The following ATP8A2 variants were observed in gnomAD, a reference collection of about 807,000 sequenced individuals.
ATP8A2 encodes the protein phospholipid-transporting ATPase IB.
A neutral mutation model predicts 165.6 loss-of-function variants in ATP8A2; 100 were observed. That is an observed-to-expected ratio of 0.60 (90% CI 0.51 to 0.71). The LOEUF (loss-of-function observed/expected upper bound fraction) is 0.71. Ranked by LOEUF, ATP8A2 falls within the 30% of genes least tolerant of loss-of-function variation. The pLI, the probability that ATP8A2 is intolerant of heterozygous loss-of-function variation, is 0.00. For missense variants in ATP8A2, 1,227 were observed against 1,479.5 expected (o/e 0.83, Z 2.80); for synonymous variants, 543 against 548.8 (o/e 0.99, Z 0.15).
chr13:25,776,358 C>T (rs1180902320), intron 27 of ATP8A2, among the ~76,000 whole-genome samples: 1 of 152,186 alleles, frequency 6.6e-6, no homozygotes, highest in African/African-American at 2.4e-5. Context: ...GGGAGGTGCC[C>T]TGTCTGCTTA....
At chr13:25,623,641 T>G (rs1010726738) in intron 24 of ATP8A2, among the ~76,000 whole-genome samples, 4 of 152,196 alleles carry the variant, frequency 2.6e-5, no homozygotes, top group Non-Finnish European at 5.9e-5. Flanking sequence ...ATGACCAATA[T>G]CTCTGCCTTT....
chr13:25,830,034 G>A (rs978798124), intron 28 of ATP8A2, among the ~76,000 whole-genome samples: 9 of 149,742 alleles, frequency 6.0e-5, no homozygotes, highest in African/African-American at 2.2e-4. Flanking sequence ...TTTGAGACTG[G>A]GTCTTGTTCT....
chr13:25,456,513 A>G (rs1243311107), intron 1 of ATP8A2, among the ~76,000 whole-genome samples: 2 of 152,176 alleles, frequency 1.3e-5, no homozygotes, highest in Non-Finnish European at 2.9e-5. Flanking sequence ...GGCCCTATGC[A>G]TAGAGGAGGG....
At chr13:25,804,348 AT>A (rs1476745704) in intron 27 of ATP8A2, among the ~76,000 whole-genome samples, 1 of 152,286 alleles carries the variant, frequency 6.6e-6, no homozygotes, top group African/African-American at 2.4e-5. Flanking sequence ...AAGCTATAAG[AT>A]TTAGAAGCCT....
At chr13:25,723,526 C>G (rs1359522666) in intron 25 of ATP8A2, among the ~76,000 whole-genome samples, 1 of 152,234 alleles carries the variant, frequency 6.6e-6, no homozygotes, top group Admixed American at 6.5e-5. Flanking sequence ...CCTCCTTTTA[C>G]TTTTGGCTTT....
intron 1 of ATP8A2, among the ~76,000 whole-genome samples, chr13:25,444,644 TTTTG>T (rs2035022847): frequency 6.6e-6 from 1 of 151,886 alleles, no homozygotes. Context: ...TGTTTTTTTT[TTTTG>T]TTTTGTTTTG....
intron 35 of ATP8A2, among the ~76,000 whole-genome samples, chr13:25,982,787 A>G (rs1375978290): frequency 6.6e-6 from 1 of 152,210 alleles, no homozygotes; most frequent in Non-Finnish European, 1.5e-5. Context: ...AATGTCTACA[A>G]AGTGCACCAT....
intron 33 of ATP8A2, among the ~76,000 whole-genome samples, chr13:25,877,443 AT>A (rs1488623522): frequency 6.6e-6 from 1 of 152,118 alleles, no homozygotes; most frequent in African/African-American, 2.4e-5. Context: ...TTGAAGCTGT[AT>A]TTTTTGTGAC....
At chr13:25,563,652 G>A (rs908752743) in intron 15 of ATP8A2, among the ~76,000 whole-genome samples, 6 of 152,066 alleles carry the variant, frequency 3.9e-5, no homozygotes, top group South Asian at 2.1e-4. Context: ...GAAGTGACTC[G>A]GGCCAACTGA....
intron 1 of ATP8A2, among the ~76,000 whole-genome samples, chr13:25,452,508 A>G (rs947901276): frequency 2.0e-5 from 3 of 152,318 alleles, no homozygotes; most frequent in African/African-American, 7.2e-5. Context: ...TGAGAAAAGC[A>G]CTATTAAAGA....
rs1356205482 is a variant in ATP8A2, at chr13:25,961,558, A to C, written c.3184-17A>C. 1 of 1,588,944 alleles carries C rather than the reference A, an allele frequency of 6.3e-7. No individual in the cohort carries two copies. The highest frequency in any genetic ancestry group is 8.6e-7 in the Non-Finnish European group (1 of 1,157,752). ...AAGAGAAAGTATTCAAGCAAGTGTC[A>C]CTTCTATTTCTTGCAGGCAACTATG... is the stretch of plus-strand genomic sequence containing the variant. On this transcript the variant is annotated splice_polypyrimidine_tract_variant and intron_variant, in intron 33 of 36. Coordinates refer to ENST00000381655, the MANE Select transcript of ATP8A2 (RefSeq NM_016529.6).
chr13:25,405,519 G>T (rs1174082506), intron 1 of ATP8A2, among the ~76,000 whole-genome samples: 1 of 152,016 alleles, frequency 6.6e-6, no homozygotes, highest in African/African-American at 2.4e-5. Flanking sequence ...CCTCGCTTCG[G>T]ACCTCTCTCC....
rs142543762 is a variant in ATP8A2 at position 25,564,706 on chromosome 13, C to A, written c.1473+675C>A. Among the ~76,000 whole-genome samples the A allele has an allele frequency of 4.7e-3, 709 of 152,084 alleles. 3 individuals carry two copies. Among genetic ancestry groups the A allele is most frequent in the African/African-American group, 0.016 (660 of 41,482 alleles). On this transcript the variant is annotated intron_variant, in intron 16 of 36. Transcript: ENST00000381655. ...TGTTATTTATTTATTTTTAATTTTTCTATAAGGGAAAAATTGTATTGAGGA... is the reference window on the plus strand; with the variant it reads ...TGTTATTTATTTATTTTTAATTTTTATATAAGGGAAAAATTGTATTGAGGA...
chr13:25,699,726 G>A lies in ATP8A2; in HGVS notation c.2384+381G>A, dbSNP rs375290794. On this transcript the variant is annotated intron_variant, in intron 25 of 36. Transcript: ENST00000381655. ...GGGGCTTTGATGCTTCTTTTCTGGC[G>A]TTTGTTGGGGTATTTCTTTTCAGTT... Among the ~76,000 whole-genome samples the A allele has an allele frequency of 2.0e-4, 30 of 152,234 alleles. 1 individual carries two copies. The East Asian group carries it at 4.4e-3, about 23-fold the overall frequency.
intron 25 of ATP8A2, among the ~76,000 whole-genome samples, chr13:25,726,082 C>G (rs982876521): frequency 6.6e-6 from 1 of 152,050 alleles, no homozygotes; most frequent in African/African-American, 2.4e-5. Flanking sequence ...ATTTTGGACC[C>G]GTTTGTTTCG....
At chr13:25,606,341 T>G (rs2040516093) in intron 24 of ATP8A2, among the ~76,000 whole-genome samples, 1 of 152,216 alleles carries the variant, frequency 6.6e-6, no homozygotes, top group Admixed American at 6.5e-5. Flanking sequence ...TTATTTTCTT[T>G]TAAATTTTCC....
rs1593734869 is a variant in ATP8A2 at position 26,024,656 on chromosome 13, C to G, written c.*4671C>G. 6.6e-6 allele frequency: 1 copy of G among 152,148 alleles called. No homozygotes were observed. Among genetic ancestry groups the G allele is most frequent in the East Asian group, 1.9e-4 (1 of 5,184 alleles). The allele number at this position is 152,148 out of a possible 1,614,324, so 9.4% of individuals were successfully genotyped here. Reference sequence around the variant, plus strand: ...GACAAAAGAGGGATTCTTTTTACACCCAGGCTGGCGCATTTTCAAGTGACA... The same window carrying G: ...GACAAAAGAGGGATTCTTTTTACACGCAGGCTGGCGCATTTTCAAGTGACA... On this transcript the variant is annotated 3_prime_UTR_variant, in exon 37 of 37. Coordinates refer to ENST00000381655, the MANE Select transcript of ATP8A2 (RefSeq NM_016529.6).
intron 24 of ATP8A2, among the ~76,000 whole-genome samples, chr13:25,607,390 A>G (rs899938031): frequency 6.6e-6 from 1 of 152,234 alleles, no homozygotes; most frequent in Non-Finnish European, 1.5e-5. Context: ...CTACAAAGGC[A>G]GAGTTGAGTA....
rs752102264 is a variant in ATP8A2, at chr13:25,815,328, C to A, written c.2680-12790C>A. On this transcript the variant is annotated intron_variant, in intron 27 of 36. Coordinates refer to ENST00000381655, the MANE Select transcript of ATP8A2 (RefSeq NM_016529.6). ...GATAAGAGATTAATATCCAAAATAT[C>A]TGAAGAGCTCCTAAACACAACAGCA... is the stretch of plus-strand genomic sequence containing the variant. Among the ~76,000 whole-genome samples the A allele has an allele frequency of 1.4e-4, 21 of 152,100 alleles. 1 individual carries two copies. The highest frequency in any genetic ancestry group is 2.9e-4 in the Non-Finnish European group (20 of 68,010).
Sources: gnomAD v4.1 joint callset for allele counts (sites outside exome capture counted in the v4.1 genomes callset) on GRCh38, gnomAD v4.1.1 for gene constraint, MANE v1.5 for transcripts, NCBI Gene and HGNC (gene_info 2026-07-23, HGNC 2026-07-21) for gene names.